The following BBX variants were observed in gnomAD, a reference collection of about 807,000 sequenced individuals.
BBX encodes the protein BBX high mobility group box domain containing, also known as HMG box transcription factor BBX.
Under a neutral mutation model 100.2 loss-of-function variants are expected in BBX, and 30 were observed. That is an observed-to-expected ratio of 0.30 (90% CI 0.22 to 0.41). The LOEUF is 0.41. BBX is among the 10% of genes least tolerant of loss of function. The pLI is 1.00. For synonymous variants in BBX, 376 were observed against 388.1 expected (o/e 0.97, Z 0.37); for missense variants, 1,023 against 1,129.8 (o/e 0.91, Z 1.35).
intron 12 of BBX, among the ~76,000 whole-genome samples, chr3:107,775,909 C>G (rs1206230694): frequency 6.7e-6 from 1 of 149,648 alleles, no homozygotes; most frequent in Non-Finnish European, 1.5e-5. Flanking sequence ...TTTTAAAAAT[C>G]CAAAGTACTT....
intron 4 of BBX, chr3:107,711,320 G>A (rs1028822885): frequency 3.6e-5 from 17 of 470,944 alleles, no homozygotes; most frequent in East Asian, 2.8e-4. Context: ...TGCCTGTCTC[G>A]TCCTTTCCTC....
intron 2 of BBX, among the ~76,000 whole-genome samples, chr3:107,642,529 C>T (rs187797204): frequency 3.9e-5 from 6 of 152,262 alleles, no homozygotes; most frequent in Admixed American, 3.9e-4. Flanking sequence ...GTGACCTATA[C>T]TTGCTTGGGG....
At chr3:107,538,782 G>A (rs2048678938) in intron 2 of BBX, among the ~76,000 whole-genome samples, 1 of 150,962 alleles carries the variant, frequency 6.6e-6, no homozygotes, top group African/African-American at 2.5e-5. Flanking sequence ...ATTGTGTGAA[G>A]AGGAATCATC....
chr3:107,754,598 A>G (rs1316437105), intron 9 of BBX, among the ~76,000 whole-genome samples: 4 of 152,186 alleles, frequency 2.6e-5, no homozygotes, highest in Admixed American at 2.0e-4. Context: ...AGCATGAAGC[A>G]CCCAGTCCCT....
rs570233218 is a variant in BBX at position 107,697,662 on chromosome 3, C to T, written c.-9-12790C>T. 2.6e-4 allele frequency among the ~76,000 whole-genome samples: 40 copies of T among 151,954 alleles called. 1 individual carries two copies. Among genetic ancestry groups the T allele is most frequent in the Admixed American group, 2.5e-3 (38 of 15,294 alleles). On this transcript the variant is annotated intron_variant, in intron 3 of 17. Coordinates refer to ENST00000325805, the MANE Select transcript of BBX (RefSeq NM_001142568.3). ...CTGCTGTCTTTTTGTTTGTCTGTGC[C>T]CTGCCCCCAGAGGTGGAGCCTACAG... is the stretch of plus-strand genomic sequence containing the variant.
In BBX at chr3:107,724,722, G is replaced by A. The variant is rs1266434889; in HGVS notation, c.406-4043G>A. 9.2e-5 allele frequency among the ~76,000 whole-genome samples: 14 copies of A among 152,144 alleles called. No homozygotes were observed. The South Asian group carries it at 1.7e-3, about 18-fold the overall frequency. ...TGTCAAAGATCAGATAGTTGTAGAT[G>A]TGTGGTATTATTTCTGAGGGCTCTG... On this transcript the variant is annotated intron_variant, in intron 5 of 17. Transcript: ENST00000325805.
At chr3:107,798,299 G>C (rs992243707) in intron 15 of BBX, among the ~76,000 whole-genome samples, 1 of 152,148 alleles carries the variant, frequency 6.6e-6, no homozygotes, top group African/African-American at 2.4e-5. Context: ...TAAAAAAGAG[G>C]GGGTGTCTTA....
chr3:107,780,447 C>G, intron 13 of BBX, among the ~76,000 whole-genome samples: 1 of 151,984 alleles, frequency 6.6e-6, no homozygotes, highest in East Asian at 1.9e-4. Context: ...TACGATTTTT[C>G]TCTCCCAGCT....
chr3:107,537,578 G>C (rs1173889214), intron 2 of BBX, among the ~76,000 whole-genome samples: 1 of 152,170 alleles, frequency 6.6e-6, no homozygotes, highest in Non-Finnish European at 1.5e-5. Context: ...GGTTTTCCAG[G>C]ATGTCTTCAA....
In BBX at chr3:107,785,353, C is replaced by T. The variant is rs540550724; in HGVS notation, c.2204-4434C>T. On this transcript the variant is annotated intron_variant, in intron 13 of 17. Transcript: ENST00000325805. Reference sequence around the variant, plus strand: ...ACTTTAATGTCAAAGACATTCAAGACATTCTCAAGACAAAGACATCACAAG... The same window carrying T: ...ACTTTAATGTCAAAGACATTCAAGATATTCTCAAGACAAAGACATCACAAG... Among the ~76,000 whole-genome samples, 7 of 152,064 alleles carry T rather than the reference C, an allele frequency of 4.6e-5. No individual in the cohort carries two copies. The East Asian group carries it at 7.7e-4, about 17-fold the overall frequency.
chr3:107,727,100 C>CA (rs1057047249), intron 5 of BBX, among the ~76,000 whole-genome samples: 1 of 149,562 alleles, frequency 6.7e-6, no homozygotes, highest in South Asian at 2.1e-4. Flanking sequence ...CTACCCCCCC[C>CA]AAAAAAAATA....
intron 12 of BBX, 50 bp from the exon 13 acceptor site, chr3:107,778,321 G>C (rs771797967): frequency 6.3e-7 from 1 of 1,590,968 alleles, no homozygotes; most frequent in South Asian, 1.1e-5. Flanking sequence ...GTCACTTTCT[G>C]TGTCATATTT....
chr3:107,594,872 A>T (rs1477747554), intron 2 of BBX, among the ~76,000 whole-genome samples: 2 of 152,210 alleles, frequency 1.3e-5, no homozygotes, highest in Non-Finnish European at 2.9e-5. Context: ...TCCCTCAAAG[A>T]TGCTGTTATT....
At chr3:107,602,018 G>A (rs751313041) in intron 2 of BBX, among the ~76,000 whole-genome samples, 5 of 152,184 alleles carry the variant, frequency 3.3e-5, no homozygotes, top group Non-Finnish European at 7.3e-5. Flanking sequence ...TGCTAAATCT[G>A]TTCTGACTGT....
At chr3:107,622,247 C>T (rs947717959) in intron 2 of BBX, among the ~76,000 whole-genome samples, 1 of 152,146 alleles carries the variant, frequency 6.6e-6, no homozygotes, top group Non-Finnish European at 1.5e-5. Flanking sequence ...TGAGGTTCAT[C>T]CACATTGTTG....
At chr3:107,581,869 C>T (rs1452348580) in intron 2 of BBX, among the ~76,000 whole-genome samples, 2 of 151,942 alleles carry the variant, frequency 1.3e-5, no homozygotes, top group African/African-American at 4.8e-5. Context: ...TTATCATTAC[C>T]ATTAGAATGC....
At chr3:107,749,121 A>G (rs1022912734) in intron 9 of BBX, among the ~76,000 whole-genome samples, 18 of 152,174 alleles carry the variant, frequency 1.2e-4, no homozygotes, top group Non-Finnish European at 5.9e-5. Context: ...GCTGAGGGCT[A>G]TTGTATAAAA....
intron 2 of BBX, among the ~76,000 whole-genome samples, chr3:107,573,517 G>C (rs1364355098): frequency 6.6e-6 from 1 of 152,062 alleles, no homozygotes; most frequent in Admixed American, 6.6e-5. Context: ...ATGAGATCAC[G>C]CCATTGCATT....
At chr3:107,743,053 G>A (rs571824816) in intron 7 of BBX, among the ~76,000 whole-genome samples, 1 of 152,174 alleles carries the variant, frequency 6.6e-6, no homozygotes, top group East Asian at 1.9e-4. Context: ...TAGACTTTAT[G>A]CAGTGGAGCA....
Sources: allele counts gnomAD v4.1 joint callset (sites outside exome capture counted in the v4.1 genomes callset), GRCh38; gene constraint gnomAD v4.1.1; transcripts MANE v1.5; gene names NCBI Gene and HGNC (gene_info 2026-07-23, HGNC 2026-07-21).